The following CSF2RA variants were observed in gnomAD, a reference collection of about 807,000 sequenced individuals.
The protein encoded by CSF2RA is colony stimulating factor 2 receptor subunit alpha.
Under a neutral mutation model 51.6 loss-of-function variants are expected in CSF2RA, and 42 were observed. That is an observed-to-expected ratio of 0.81 (90% CI 0.64 to 1.05). The LOEUF is 1.05. Ranked by LOEUF, CSF2RA falls within the 50% of genes least tolerant of loss-of-function variation. CSF2RA has a pLI of 0.00. For synonymous variants in CSF2RA, 222 were observed against 193.0 expected, an observed-to-expected ratio of 1.15 and a Z score of -1.24; for missense variants, 530 against 501.1, an observed-to-expected ratio of 1.06 and a Z score of -0.55.
At chrX:1,323,128 C>G in the CSF2RA span, among the ~76,000 whole-genome samples, 28 of 83,460 alleles carry the variant, frequency 3.4e-4, no homozygotes, top group Admixed American at 2.7e-3. Context: ...GATTCCGTCT[C>G]AAAAAAAATA....
At chrX:1,314,216 G>A (rs1472634455), downstream of CSF2RA, among the ~76,000 whole-genome samples, 63 of 101,120 alleles carry the variant, frequency 6.2e-4, no homozygotes, top group African/African-American at 1.7e-3. Context: ...CACTGCACCT[G>A]CCCAACCCCA....
the CSF2RA span, among the ~76,000 whole-genome samples, chrX:1,315,796 T>C: frequency 6.7e-6 from 1 of 150,028 alleles, no homozygotes; most frequent in Non-Finnish European, 1.5e-5. Context: ...GATAGATAGA[T>C]AGATAGATAG....
At chrX:1,271,769 G>A (rs1326901465) in intron 1 of CSF2RA, among the ~76,000 whole-genome samples, 3 of 151,782 alleles carry the variant, frequency 2.0e-5, no homozygotes, top group Non-Finnish European at 4.4e-5. Context: ...CGCTCACCTT[G>A]ACCTCCCAAA....
At chrX:1,277,361 G>A (rs1456354393) in intron 2 of CSF2RA, among the ~76,000 whole-genome samples, 3 of 151,698 alleles carry the variant, frequency 2.0e-5, no homozygotes, top group Non-Finnish European at 4.4e-5. Context: ...ACCTTGGGAG[G>A]CAGAGGCGGG....
chrX:1,287,365 G>A (rs752227724), intron 4 of CSF2RA, among the ~76,000 whole-genome samples: 1 of 149,988 alleles, frequency 6.7e-6, no homozygotes, highest in Non-Finnish European at 1.5e-5. Context: ...TGTTGGCCAG[G>A]CTGGTCTCCA....
chrX:1,270,478 A>G (rs28405132), intron 1 of CSF2RA, among the ~76,000 whole-genome samples: 130,006 of 151,768 alleles, frequency 0.86, 56,112 homozygotes, highest in Non-Finnish European at 0.92. Flanking sequence ...GACTCAATCT[A>G]TCTTCCTGCC....
chrX:1,305,174 A>G (rs1362364669), intron 11 of CSF2RA, among the ~76,000 whole-genome samples: 1 of 150,654 alleles, frequency 6.6e-6, no homozygotes, highest in African/African-American at 2.4e-5. Flanking sequence ...TTGTATTTTT[A>G]GTAGAGACGG....
At chrX:1,316,070 A>AGATAGATAGATAGATAGATC in the CSF2RA span, among the ~76,000 whole-genome samples, 396 of 152,130 alleles carry the variant, frequency 2.6e-3, 7 homozygotes, top group Admixed American at 0.012. Context: ...ATAGATAGAT[A>AGATAGATAGATAGATAGATC]GATAGATAGA....
Position 1,305,965 on chromosome X carries a change from C to A in CSF2RA, c.1125+438C>A, listed in dbSNP as rs1176911450. 7 of 618,694 alleles carry A rather than the reference C, an allele frequency of 1.1e-5. No individual in the cohort carries two copies. The East Asian group carries it at 1.7e-4, about 15-fold the overall frequency. The allele number at this position is 618,694 out of a possible 1,614,324, so 38.3% of individuals were successfully genotyped here. ...GGTGTGGTGGTGTACGCCTGAAATCCCAGTGACTCGGGAGGCTGGGGCAGT... is the reference window on the plus strand; with the variant it reads ...GGTGTGGTGGTGTACGCCTGAAATCACAGTGACTCGGGAGGCTGGGGCAGT... On this transcript the variant is annotated intron_variant, in intron 12 of 12. Coordinates refer to ENST00000381529, the MANE Select transcript of CSF2RA (RefSeq NM_172245.4).
chrX:1,281,148 G>GTCCTT (rs2089984930), intron 2 of CSF2RA, among the ~76,000 whole-genome samples: 1 of 50,780 alleles, frequency 2.0e-5, no homozygotes, highest in African/African-American at 9.5e-5. Flanking sequence ...TCCTCCTCCA[G>GTCCTT]CTCCCCTTCT....
chrX:1,274,497 G>C (rs113289121), intron 1 of CSF2RA, among the ~76,000 whole-genome samples: 27 of 147,674 alleles, frequency 1.8e-4, no homozygotes, highest in Middle Eastern at 3.6e-3. Flanking sequence ...GCTAATTTTT[G>C]TATTTTTAGT....
In CSF2RA at chrX:1,282,745, A is replaced by T; in HGVS notation, c.42A>T (p.Pro14=). The T allele has an allele frequency of 6.2e-7, 1 of 1,613,730 alleles. No individual in the cohort carries two copies. The highest frequency in any genetic ancestry group is 8.5e-7 in the Non-Finnish European group (1 of 1,179,802). The stretch of plus-strand genomic sequence containing the variant: ...CAAGCCTTCTGCTCTGTGAGTTACC[A>T]CACCCAGCATTCCTCCTGATCCCAG... ...LVTSLLLCEL[P]HPAFLLIPEK... Residue 14 remains proline, a synonymous_variant, in exon 3 of 13, where the codon CCA becomes CCT. Transcript: ENST00000381529.
At chrX:1,319,001 T>G in the CSF2RA span, among the ~76,000 whole-genome samples, 2 of 137,708 alleles carry the variant, frequency 1.5e-5, no homozygotes, top group Non-Finnish European at 1.7e-5. Flanking sequence ...TTATTTTATT[T>G]TATTTATTTT....
chrX:1,292,172 GACTGCACCACCTCC>G (rs1486463116), intron 7 of CSF2RA, among the ~76,000 whole-genome samples: 1 of 150,502 alleles, frequency 6.6e-6, no homozygotes. Context: ...GACAGGAGGA[GACTGCACCACCTCC>G]ACCTGGACCC....
intron 12 of CSF2RA, among the ~76,000 whole-genome samples, chrX:1,307,472 C>CCG (rs1199898911): frequency 9.6e-4 from 115 of 119,338 alleles, no homozygotes; most frequent in African/African-American, 3.4e-3. Context: ...CACCCTTACC[C>CCG]TTTAGACTTT....
At chrX:1,314,155 G>C (rs1286647714), downstream of CSF2RA, among the ~76,000 whole-genome samples, 1 of 151,474 alleles carries the variant, frequency 6.6e-6, no homozygotes, top group African/African-American at 2.4e-5. Context: ...TCCAAGGAAT[G>C]GGTGGGCAGA....
At chrX:1,301,831 C>G (rs1305496839) in intron 10 of CSF2RA, among the ~76,000 whole-genome samples, 1 of 150,334 alleles carries the variant, frequency 6.7e-6, no homozygotes, top group Non-Finnish European at 1.5e-5. Flanking sequence ...TGGTCTCGAT[C>G]TCCTGACCTC....
intron 7 of CSF2RA, among the ~76,000 whole-genome samples, chrX:1,292,438 C>A (rs1455734216): frequency 6.6e-6 from 1 of 152,128 alleles, no homozygotes; most frequent in Admixed American, 6.6e-5. Context: ...CTGCACCGGT[C>A]TCTGAGTTCT....
At position 1,288,796 on chromosome X, in the gene CSF2RA, C is replaced by T. The variant is rs762317254; in HGVS notation, c.381C>T (p.Phe127=). 2 of 1,613,934 alleles carry T rather than the reference C, an allele frequency of 1.2e-6. No homozygotes were observed. Among genetic ancestry groups the T allele is most frequent in the East Asian group, 4.5e-5 (2 of 44,878 alleles). The change falls in exon 6 of 13, where the codon TTC becomes TTT. Residue 127 remains phenylalanine, a synonymous_variant. Transcript: ENST00000381529. ...CCGCTGCTCAGAATTTCTCCTGTTTCATCTACAATGCGGATTTAATGAACT... is the reference window on the plus strand; with the variant it reads ...CCGCTGCTCAGAATTTCTCCTGTTTTATCTACAATGCGGATTTAATGAACT... The part of the protein sequence containing the change: ...EGTAAQNFSC[F]IYNADLMNCT...
Sources: gnomAD v4.1 joint callset for allele counts (sites outside exome capture counted in the v4.1 genomes callset) on GRCh38, gnomAD v4.1.1 for gene constraint, MANE v1.5 for transcripts, NCBI Gene and HGNC (gene_info 2026-07-23, HGNC 2026-07-21) for gene names.